The following SMIM35 variants were observed in gnomAD, a reference collection of about 807,000 sequenced individuals.
The protein encoded by SMIM35 is small integral membrane protein 35, also known as TMPRSS4 antisense RNA 1 (non-protein coding).
chr11:118,065,216 C>T (rs974060295), intron 1 of SMIM35, among the ~76,000 whole-genome samples: 7 of 152,178 alleles, frequency 4.6e-5, no homozygotes, highest in Non-Finnish European at 7.3e-5. Flanking sequence ...TCTCAGCATC[C>T]GATTACAGCA....
At chr11:118,044,772 C>CAAAAA (rs35072099) in intron 1 of SMIM35, among the ~76,000 whole-genome samples, 18 of 94,718 alleles carry the variant, frequency 1.9e-4, no homozygotes, top group Admixed American at 2.5e-4. Context: ...ACTCCATCTC[C>CAAAAA]AAAAAAAAAA....
At chr11:118,037,612 C>A (rs894848484) in intron 1 of SMIM35, among the ~76,000 whole-genome samples, 3 of 152,146 alleles carry the variant, frequency 2.0e-5, no homozygotes, top group Non-Finnish European at 1.5e-5. Flanking sequence ...CGGCGGTTAG[C>A]AAGTTTAAAG....
intron 4 of SMIM35, among the ~76,000 whole-genome samples, chr11:118,010,015 C>T (rs1267336340): frequency 6.6e-6 from 1 of 152,200 alleles, no homozygotes; most frequent in Non-Finnish European, 1.5e-5. Flanking sequence ...TTGGGTAAAG[C>T]ATGCTGCTTT....
chr11:118,075,524 A>T (rs192218189), intron 1 of SMIM35, among the ~76,000 whole-genome samples: 65 of 152,364 alleles, frequency 4.3e-4, no homozygotes, highest in African/African-American at 1.5e-3. Context: ...CAAGCCTGGC[A>T]GTGTGAACCA....
intron 1 of SMIM35, among the ~76,000 whole-genome samples, chr11:118,027,887 C>T (rs760991472): frequency 3.3e-5 from 5 of 152,252 alleles, no homozygotes; most frequent in Non-Finnish European, 7.3e-5. Context: ...CCAGCCTCCA[C>T]TCTTACCATT....
chr11:118,008,860 G>T (rs138044628), intron 4 of SMIM35, among the ~76,000 whole-genome samples: 6 of 152,354 alleles, frequency 3.9e-5, no homozygotes, highest in African/African-American at 1.4e-4. Context: ...AGAAAGCAAG[G>T]TTAATTTCAG....
At chr11:118,048,841 A>T (rs1469728974) in intron 1 of SMIM35, among the ~76,000 whole-genome samples, 4 of 149,406 alleles carry the variant, frequency 2.7e-5, no homozygotes, top group Admixed American at 1.4e-4. Flanking sequence ...GACCTAAAGG[A>T]GTGAAGTGTC....
chr11:118,071,038 C>T (rs1475888126), intron 1 of SMIM35, among the ~76,000 whole-genome samples: 1 of 152,252 alleles, frequency 6.6e-6, no homozygotes, highest in Admixed American at 6.5e-5. Context: ...CAAAATGAGA[C>T]AATGAGACTT....
intron 1 of SMIM35, among the ~76,000 whole-genome samples, chr11:118,070,689 C>A (rs1398704134): frequency 6.6e-6 from 1 of 152,194 alleles, no homozygotes; most frequent in African/African-American, 2.4e-5. Context: ...GAAATTAGTT[C>A]ATTGCCTAAT....
chr11:118,028,763 G>T, intron 1 of SMIM35: 1 of 439,738 alleles, frequency 2.3e-6, no homozygotes, highest in Non-Finnish European at 4.5e-6. Flanking sequence ...TGGAAGAAGA[G>T]AAACTGAGAA....
At chr11:118,053,181 G>T (rs1308877194) in intron 1 of SMIM35, among the ~76,000 whole-genome samples, 1 of 152,086 alleles carries the variant, frequency 6.6e-6, no homozygotes, top group East Asian at 1.9e-4. Flanking sequence ...TTGGCAGGGC[G>T]CCTATAATCC....
intron 1 of SMIM35, chr11:118,025,491 G>A (rs1168885944): frequency 6.6e-6 from 3 of 455,084 alleles, no homozygotes; most frequent in Non-Finnish European, 1.3e-5. Flanking sequence ...TTCCTTGCTG[G>A]CATGAGATGG....
At chr11:118,023,989 TGGGTGA>T (rs772835331) in intron 1 of SMIM35, among the ~76,000 whole-genome samples, 278 of 149,686 alleles carry the variant, frequency 1.9e-3, no homozygotes, top group Non-Finnish European at 3.5e-3. Context: ...CACTTCAGCC[TGGGTGA>T]TAGAGTGAGA....
intron 1 of SMIM35, among the ~76,000 whole-genome samples, chr11:118,074,537 AG>A (rs1466643793): frequency 1.3e-5 from 2 of 152,106 alleles, no homozygotes; most frequent in African/African-American, 4.8e-5. Flanking sequence ...GCTTGAGCTC[AG>A]GGGTTTGAGA....
chr11:118,062,364 AC>A (rs758967495), intron 1 of SMIM35, among the ~76,000 whole-genome samples: 4 of 152,114 alleles, frequency 2.6e-5, no homozygotes, highest in Admixed American at 1.3e-4. Flanking sequence ...CAAGAGAGGC[AC>A]CCCTGAGCTA....
intron 1 of SMIM35, among the ~76,000 whole-genome samples, chr11:118,033,033 C>T (rs926356709): frequency 6.6e-6 from 1 of 152,150 alleles, no homozygotes; most frequent in African/African-American, 2.4e-5. Context: ...TGCATGCACA[C>T]GCATGGAAAT....
chr11:118,010,720 G>A (rs2058145500), intron 4 of SMIM35, among the ~76,000 whole-genome samples: 1 of 152,182 alleles, frequency 6.6e-6, no homozygotes, highest in Non-Finnish European at 1.5e-5. Flanking sequence ...GCAGGGACAA[G>A]AGGCCACCCA....
chr11:118,027,249 G>A (rs1418187663), intron 1 of SMIM35, among the ~76,000 whole-genome samples: 1 of 148,714 alleles, frequency 6.7e-6, no homozygotes, highest in Non-Finnish European at 1.5e-5. Flanking sequence ...GGATGGTCTC[G>A]ATCTCCTGAC....
At chr11:118,020,490 A>G (rs1436850833) in intron 1 of SMIM35, among the ~76,000 whole-genome samples, 1 of 152,202 alleles carries the variant, frequency 6.6e-6, no homozygotes, top group Non-Finnish European at 1.5e-5. Flanking sequence ...TATATTTGAG[A>G]TACTGAGTCT....
Sources: allele counts gnomAD v4.1 joint callset (sites outside exome capture counted in the v4.1 genomes callset), GRCh38; gene constraint gnomAD v4.1.1; transcripts MANE v1.5; gene names NCBI Gene and HGNC (gene_info 2026-07-23, HGNC 2026-07-21).